Variants in STXBP5 observed in about 807,000 individuals in gnomAD.
STXBP5 encodes the protein syntaxin binding protein 5, also known as syntaxin-binding protein 5.
Under a neutral mutation model 152.4 loss-of-function variants are expected in STXBP5, and 50 were observed. The observed-to-expected ratio is 0.33, with a 90% confidence interval of 0.26 to 0.42. The LOEUF is 0.42. Ranked by LOEUF, STXBP5 falls within the 10% of genes least tolerant of loss-of-function variation. The pLI is 1.00. For synonymous variants in STXBP5, 492 were observed against 494.7 expected (o/e 0.99, Z 0.07); for missense variants, 1,167 against 1,388.6 (o/e 0.84, Z 2.54).
intron 18 of STXBP5, among the ~76,000 whole-genome samples, chr6:147,332,550 T>C (rs1783628034): frequency 6.6e-6 from 1 of 152,144 alleles, no homozygotes; most frequent in African/African-American, 2.4e-5. Flanking sequence ...GCAGTACACC[T>C]GGTGAGTTCA....
Position 147,389,790 on chromosome 6 carries a change from A to G in STXBP5, c.*5035A>G, listed in dbSNP as rs1006262028. On this transcript the variant is annotated 3_prime_UTR_variant, in exon 28 of 28. Coordinates refer to ENST00000321680, the MANE Select transcript of STXBP5 (RefSeq NM_001127715.4). Reference sequence around the variant, plus strand: ...GAAAATACAATCAACATAGCAATGGAAAGCAATGCAAAGAGGGTAAATCTT... The same window carrying G: ...GAAAATACAATCAACATAGCAATGGGAAGCAATGCAAAGAGGGTAAATCTT... 19 of 151,932 alleles carry G rather than the reference A, an allele frequency of 1.3e-4. No individual in the cohort carries two copies. The highest frequency in any genetic ancestry group is 4.6e-4 in the African/African-American group (19 of 41,422). The allele number at this position is 151,932 out of a possible 1,614,324, so 9.4% of individuals were successfully genotyped here. A position where few individuals can be genotyped will look rare whatever the true frequency, so the allele number is the denominator to read the frequency against.
At chr6:147,319,857 A>G (rs1162674279) in intron 16 of STXBP5, among the ~76,000 whole-genome samples, 5 of 112,698 alleles carry the variant, frequency 4.4e-5, no homozygotes, top group Admixed American at 2.0e-4. Context: ...TTTTTTTTTT[A>G]AAGAGACAGG....
intron 23 of STXBP5, among the ~76,000 whole-genome samples, chr6:147,360,328 C>T (rs1785006546): frequency 6.6e-6 from 1 of 152,132 alleles, no homozygotes; most frequent in South Asian, 2.1e-4. Flanking sequence ...AATCATGCTG[C>T]TATAAAGACA....
intron 2 of STXBP5, among the ~76,000 whole-genome samples, chr6:147,213,768 C>T (rs1270692200): frequency 3.3e-5 from 5 of 151,902 alleles, no homozygotes; most frequent in African/African-American, 1.2e-4. Context: ...TTTGGGATGG[C>T]AGATAAGGAA....
chr6:147,319,177 T>TG (rs1201453896), intron 16 of STXBP5, among the ~76,000 whole-genome samples: 3 of 151,974 alleles, frequency 2.0e-5, no homozygotes, highest in South Asian at 2.1e-4. Flanking sequence ...CTAAAAAAAA[T>TG]GGGGGGGTTG....
Position 147,389,455 on chromosome 6 carries a change from A to G in STXBP5, c.*4700A>G, listed in dbSNP as rs1026286224. ...ATAGGCACAATTCATTTACAAATTC[A>G]GTACAGTAGTCCAGGGCTACATGTA... On this transcript the variant is annotated 3_prime_UTR_variant, in exon 28 of 28. Coordinates refer to ENST00000321680, the MANE Select transcript of STXBP5 (RefSeq NM_001127715.4). The G allele has an allele frequency of 6.6e-6, 1 of 151,866 alleles. No homozygotes were observed. The highest frequency in any genetic ancestry group is 1.5e-5 in the Non-Finnish European group (1 of 67,774). 9.4% of individuals were successfully genotyped at this position (151,866 alleles called of 1,614,324 possible). A position where few individuals can be genotyped will look rare whatever the true frequency, so the allele number is the denominator to read the frequency against.
intron 23 of STXBP5, among the ~76,000 whole-genome samples, chr6:147,361,669 A>G (rs1480317634): frequency 6.6e-6 from 1 of 152,188 alleles, no homozygotes; most frequent in Non-Finnish European, 1.5e-5. Context: ...CATCAACTAT[A>G]GGACAAGCAT....
intron 8 of STXBP5, among the ~76,000 whole-genome samples, chr6:147,284,757 C>T (rs772655553): frequency 1.1e-4 from 17 of 152,178 alleles, no homozygotes; most frequent in Non-Finnish European, 1.8e-4. Context: ...GAGTTTAAAA[C>T]GCCTTTGGGC....
intron 26 of STXBP5, 47 bp from the exon 27 acceptor site, chr6:147,382,731 A>G: frequency 6.3e-7 from 1 of 1,584,280 alleles, no homozygotes; most frequent in South Asian, 1.1e-5. Flanking sequence ...TATATTAGTA[A>G]AATGTTCATG....
rs1323278173 is a variant in STXBP5 at position 147,213,473 on chromosome 6, T to C, written c.248+7405T>C. On this transcript the variant is annotated intron_variant, in intron 2 of 27. Transcript: ENST00000321680. ...GTGTGTGTGTGTGTGTGTGTGTGTG[T>C]GTGTGCGCGCGCATATATATATTTT... is the stretch of plus-strand genomic sequence containing the variant. Among the ~76,000 whole-genome samples the C allele has an allele frequency of 1.3e-3, 165 of 126,516 alleles. 1 individual carries two copies. Among genetic ancestry groups the C allele is most frequent in the African/African-American group, 2.9e-3 (98 of 34,196 alleles). The allele number at this position is 126,516 out of a possible 152,430, so 83.0% of individuals were successfully genotyped here. A position where few individuals can be genotyped will look rare whatever the true frequency, so the allele number is the denominator to read the frequency against.
intron 6 of STXBP5, among the ~76,000 whole-genome samples, chr6:147,263,129 T>C (rs1057143847): frequency 3.3e-5 from 5 of 151,946 alleles, no homozygotes; most frequent in Non-Finnish European, 2.9e-5. Flanking sequence ...TGAGCTGATA[T>C]ATTGTTTAAC....
At chr6:147,235,464 G>A in intron 3 of STXBP5, 133 bp downstream of exon 3, 2 of 676,510 alleles carry the variant, frequency 3.0e-6, no homozygotes, top group South Asian at 2.0e-5. Flanking sequence ...ATCAGAAATA[G>A]TAGTAATTCG....
At chr6:147,302,272 A>G (rs1002515668) in intron 9 of STXBP5, among the ~76,000 whole-genome samples, 17 of 152,066 alleles carry the variant, frequency 1.1e-4, no homozygotes, top group African/African-American at 4.1e-4. Flanking sequence ...TTTTGTCTTG[A>G]AAGACACCAA....
intron 9 of STXBP5, chr6:147,292,573 A>C (rs1781335348): frequency 6.5e-6 from 1 of 154,226 alleles, no homozygotes; most frequent in African/African-American, 2.4e-5. Flanking sequence ...TATTTGTTAC[A>C]TTTGTCCTAT....
chr6:147,316,935 A>G (rs747528706), intron 16 of STXBP5, among the ~76,000 whole-genome samples: 2 of 152,156 alleles, frequency 1.3e-5, no homozygotes, highest in East Asian at 1.9e-4. Flanking sequence ...TTTCTGTCCA[A>G]TTTTTATTAT....
chr6:147,213,477 T>TGTGTGTGC lies in STXBP5; in HGVS notation c.248+7410_248+7411insTGTGTGCG. Among the ~76,000 whole-genome samples, 469 of 131,254 alleles carry TGTGTGTGC rather than the reference T, an allele frequency of 3.6e-3. 3 individuals are homozygous for TGTGTGTGC. Among genetic ancestry groups the TGTGTGTGC allele is most frequent in the African/African-American group, 9.4e-3 (296 of 31,328 alleles). 86.1% of individuals were successfully genotyped at this position (131,254 alleles called of 152,430 possible). A position where few individuals can be genotyped will look rare whatever the true frequency, so the allele number is the denominator to read the frequency against. On this transcript the variant is annotated intron_variant, in intron 2 of 27. Coordinates refer to ENST00000321680, the MANE Select transcript of STXBP5 (RefSeq NM_001127715.4). ...GTGTGTGTGTGTGTGTGTGTGTGTG[T>TGTGTGTGC]GCGCGCGCATATATATATTTTTTCT... is the stretch of plus-strand genomic sequence containing the variant.
chr6:147,243,241 A>G (rs1778637551), intron 4 of STXBP5, among the ~76,000 whole-genome samples: 1 of 152,174 alleles, frequency 6.6e-6, no homozygotes, highest in Non-Finnish European at 1.5e-5. Flanking sequence ...CCATATCCTT[A>G]CTAACATTTG....
intron 2 of STXBP5, among the ~76,000 whole-genome samples, chr6:147,213,271 CTT>C (rs1245892684): frequency 6.3e-5 from 9 of 142,786 alleles, no homozygotes; most frequent in Admixed American, 7.0e-5. Context: ...TTTTTTCTTT[CTT>C]TTTTTTTTTT....
intron 2 of STXBP5, among the ~76,000 whole-genome samples, chr6:147,219,799 G>GTTTTT (rs35444906): frequency 1.1e-3 from 91 of 85,872 alleles, no homozygotes; most frequent in Middle Eastern, 0.01. Context: ...CTAGAAGCTT[G>GTTTTT]TTTTTTTTTT....
Sources: allele counts gnomAD v4.1 joint callset (sites outside exome capture counted in the v4.1 genomes callset), GRCh38; gene constraint gnomAD v4.1.1; transcripts MANE v1.5; gene names NCBI Gene and HGNC (gene_info 2026-07-23, HGNC 2026-07-21).